Variants in COG6 observed in about 807,000 individuals in gnomAD.
COG6 encodes conserved oligomeric Golgi complex subunit 6.
A neutral mutation model predicts 88.8 loss-of-function variants in COG6; 74 were observed. The ratio of observed to expected loss-of-function variants is 0.83; its 90% confidence interval spans 0.69 to 1.01. The LOEUF (loss-of-function observed/expected upper bound fraction) is 1.01. Ranked by LOEUF, COG6 falls within the 50% of genes least tolerant of loss-of-function variation. The pLI is 0.00. For synonymous variants in COG6, 286 were observed against 278.7 expected (o/e 1.03, Z -0.26); for missense variants, 800 against 797.9 (o/e 1.00, Z -0.03).
At chr13:39,691,232 A>G (rs1241249416) in intron 11 of COG6, among the ~76,000 whole-genome samples, 3 of 151,896 alleles carry the variant, frequency 2.0e-5, no homozygotes, top group Non-Finnish European at 2.9e-5. Context: ...TGGTTTGAGT[A>G]AGAATTATTA....
At chr13:39,673,086 GTTTTTA>G (rs1875749115) in intron 4 of COG6, among the ~76,000 whole-genome samples, 1 of 151,780 alleles carries the variant, frequency 6.6e-6, no homozygotes, top group Non-Finnish European at 1.5e-5. Context: ...GGTTATTTGT[GTTTTTA>G]TTTATTGGTT....
rs1880682749 is a variant in COG6, at chr13:39,752,283, TAGA to T, written c.*1194_*1196del. ...AGTAATAACATAAAACTAGTATTTG[TAGA>T]AGATTATGTGTTGTATATAACAAAT... On this transcript the variant is annotated 3_prime_UTR_variant, in exon 19 of 19. Coordinates refer to ENST00000455146, the MANE Select transcript of COG6 (RefSeq NM_020751.3). 4 of 881,508 alleles carry T rather than the reference TAGA, an allele frequency of 4.5e-6. No individual in the cohort carries two copies. Among genetic ancestry groups the T allele is most frequent in the South Asian group, 3.4e-5 (2 of 58,480 alleles). The allele number at this position is 881,508 out of a possible 1,614,324, so 54.6% of individuals were successfully genotyped here.
intron 4 of COG6, 51 bp downstream of exon 4, chr13:39,665,205 C>A: frequency 1.1e-6 from 1 of 951,706 alleles, no homozygotes; most frequent in South Asian, 1.3e-5. Flanking sequence ...AGATTGGAGT[C>A]AAAGAAAATT....
chr13:39,687,587 A>G lies in COG6; in HGVS notation c.873A>G (p.Gly291=). 6.2e-7 allele frequency: 1 copy of G among 1,613,908 alleles called. No individual in the cohort carries two copies. The highest frequency in any genetic ancestry group is 8.5e-7 in the Non-Finnish European group (1 of 1,179,990). Residue 291 remains glycine (G), a synonymous_variant, in exon 9 of 19, where the codon GGA becomes GGG. Transcript: ENST00000455146. ...FIDALTRGGP[G]GTPRPIEMHS... is the part of the protein sequence containing the mutation. ...ATGCGCTCACAAGAGGGGGCCCCGG[A>G]GGTACACCTAGACCAATTGAAATGC... is the stretch of plus-strand genomic sequence containing the variant.
chr13:39,734,792 C>T (rs1188279067), intron 18 of COG6, among the ~76,000 whole-genome samples: 2 of 152,112 alleles, frequency 1.3e-5, no homozygotes, highest in Non-Finnish European at 2.9e-5. Flanking sequence ...ATGTTGGGTG[C>T]ATGTATATTT....
chr13:39,685,281 GT>G, intron 8 of COG6, among the ~76,000 whole-genome samples: 1 of 152,248 alleles, frequency 6.6e-6, no homozygotes, highest in African/African-American at 2.4e-5. Flanking sequence ...TTGGAAGAAT[GT>G]CTGATTTTGG....
Position 39,655,817 on chromosome 13 carries a change from A to T in COG6, c.91A>T (p.Thr31Ser), listed in dbSNP as rs2137932424. 3.7e-6 allele frequency: 6 copies of T among 1,601,812 alleles called. No individual in the cohort carries two copies. In the South Asian group the frequency reaches 6.7e-5, roughly 18 times the overall value. Reference protein sequence around the residue: ...NNGAGGTSATTCNPLSRKLHK... With the variant: ...NNGAGGTSATSCNPLSRKLHK... ...TGGGGCAGGCGGGACCTCGGCGACG[A>T]CCTGCAACCCGCTGTCGCGCAAGCT... The change falls in exon 1 of 19, where the codon ACC becomes TCC. Residue 31 changes from threonine to serine, a missense_variant. By Grantham distance (58) the Thr-to-Ser change is moderately conservative. Transcript: ENST00000455146.
chr13:39,726,918 G>A (rs1879164052), intron 17 of COG6, among the ~76,000 whole-genome samples: 1 of 151,750 alleles, frequency 6.6e-6, no homozygotes, highest in South Asian at 2.1e-4. Context: ...ATAGTACCTT[G>A]TTTTATTCCT....
At position 39,737,554 on chromosome 13, in the gene COG6, T is replaced by C. The variant is rs540420918; in HGVS notation, c.1826+10006T>C. Among the ~76,000 whole-genome samples the C allele has an allele frequency of 6.0e-5, 9 of 149,634 alleles. No homozygotes were observed. In the East Asian group the frequency reaches 1.8e-3, roughly 29 times the overall value. ...AAGATACAGAACAAAGTCCTTCCCA[T>C]GCTTCTGTCTCAAGCAGAAGGAAGG... On this transcript the variant is annotated intron_variant, in intron 18 of 18. Coordinates refer to ENST00000455146, the MANE Select transcript of COG6 (RefSeq NM_020751.3).
intron 4 of COG6, among the ~76,000 whole-genome samples, chr13:39,667,943 G>C (rs1316885648): frequency 1.3e-5 from 2 of 152,038 alleles, no homozygotes; most frequent in Non-Finnish European, 2.9e-5. Flanking sequence ...GAGAAATTTA[G>C]GCAAATTTTG....
chr13:39,771,526 G>A (rs1416282910), intron 18 of COG6, among the ~76,000 whole-genome samples: 1 of 152,228 alleles, frequency 6.6e-6, no homozygotes, highest in Non-Finnish European at 1.5e-5. Flanking sequence ...AGTCAAGGAA[G>A]TGCATTGGCA....
In COG6 at chr13:39,724,554, C is replaced by G; in HGVS notation, c.1739C>G (p.Ala580Gly). 6.3e-7 allele frequency: 1 copy of G among 1,588,402 alleles called. No individual in the cohort carries two copies. Among genetic ancestry groups the G allele is most frequent in the Non-Finnish European group, 8.6e-7 (1 of 1,160,884 alleles). Residue 580 changes from alanine (A) to glycine (G), a missense_variant, in exon 17 of 19, where the codon GCT becomes GGT. By Grantham distance (60) the Ala-to-Gly change is moderately conservative. Coordinates refer to ENST00000455146, the MANE Select transcript of COG6 (RefSeq NM_020751.3). The part of the protein sequence containing the change: ...MPNLDSVTLK[A>G]AMVQFDRYLS... ...AACCTAGATTCTGTGACACTGAAGG[C>G]TGCAATGGTAAGTGTATAATAAAAC... is the stretch of plus-strand genomic sequence containing the variant.
chr13:39,666,217 T>G (rs1346745330), intron 4 of COG6, among the ~76,000 whole-genome samples: 1 of 152,128 alleles, frequency 6.6e-6, no homozygotes, highest in Admixed American at 6.5e-5. Context: ...CCTTAAAAAA[T>G]AAATTAGAAT....
intron 12 of COG6, among the ~76,000 whole-genome samples, chr13:39,696,198 C>T (rs1203272727): frequency 6.6e-6 from 1 of 151,394 alleles, no homozygotes; most frequent in Non-Finnish European, 1.5e-5. Context: ...TACTTGTTCA[C>T]ACATTTCCTC....
At chr13:39,714,167 A>G (rs1878396082) in intron 13 of COG6, among the ~76,000 whole-genome samples, 1 of 152,084 alleles carries the variant, frequency 6.6e-6, no homozygotes, top group Admixed American at 6.6e-5. Context: ...TAAGTTTTAC[A>G]TCATTGGTCT....
At position 39,655,797 on chromosome 13, in the gene COG6, C is replaced by T. The variant is rs1481920969; in HGVS notation, c.71C>T (p.Ala24Val). Residue 24 changes from alanine (A) to valine (V), a missense_variant, in exon 1 of 19, where the codon GCA becomes GTA. Physicochemically the swap from Ala to Val is moderately conservative, Grantham distance 64. Transcript: ENST00000455146. ...TGAANGLNNG[A>V]GGTSATTCNP... is the part of the protein sequence containing the mutation. ...GCTGCCAACGGCCTCAACAATGGGG[C>T]AGGCGGGACCTCGGCGACGACCTGC... is the stretch of plus-strand genomic sequence containing the variant. 1.3e-6 allele frequency: 2 copies of T among 1,598,376 alleles called. No individual in the cohort carries two copies. The highest frequency in any genetic ancestry group is 1.7e-5 in the Admixed American group (1 of 58,582).
chr13:39,671,397 T>G (rs1170622487), intron 4 of COG6, among the ~76,000 whole-genome samples: 1 of 149,088 alleles, frequency 6.7e-6, no homozygotes, highest in Non-Finnish European at 1.5e-5. Flanking sequence ...ACAAAAGAGC[T>G]TTTTTTTTTC....
intron 18 of COG6, among the ~76,000 whole-genome samples, chr13:39,740,720 A>G (rs1193681970): frequency 6.6e-6 from 1 of 152,200 alleles, no homozygotes; most frequent in Non-Finnish European, 1.5e-5. Flanking sequence ...TCATTTATAG[A>G]CACATAGCTG....
At chr13:39,699,901 T>G (rs1404026324) in intron 13 of COG6, among the ~76,000 whole-genome samples, 1 of 151,874 alleles carries the variant, frequency 6.6e-6, no homozygotes, top group Non-Finnish European at 1.5e-5. Context: ...AAAGCAAACT[T>G]ACTGTATTTA....
Sources: allele counts gnomAD v4.1 joint callset (sites outside exome capture counted in the v4.1 genomes callset), GRCh38; gene constraint gnomAD v4.1.1; transcripts MANE v1.5; gene names NCBI Gene and HGNC (gene_info 2026-07-23, HGNC 2026-07-21).